MICU3: variants seen among roughly 807,000 people sequenced by gnomAD.
The protein encoded by MICU3 is calcium uptake protein 3, mitochondrial.
A neutral mutation model predicts 66.5 loss-of-function variants in MICU3; 62 were observed. The ratio of observed to expected loss-of-function variants is 0.93; its 90% CI spans 0.76 to 1.15. The LOEUF is 1.15. MICU3 is among the 50% of genes most tolerant of loss of function. MICU3 has a pLI of 0.00. For missense variants in MICU3, 779 were observed against 664.4 expected (o/e 1.17, Z -1.90); for synonymous variants, 308 against 240.7 (o/e 1.28, Z -2.59).
chr8:17,034,138 G>A (rs1445186106), intron 1 of MICU3, among the ~76,000 whole-genome samples: 1 of 152,142 alleles, frequency 6.6e-6, no homozygotes, highest in Non-Finnish European at 1.5e-5. Context: ...AAATCCTAGG[G>A]CCCTTAAGAA....
At chr8:17,047,110 G>A (rs1048053717) in intron 1 of MICU3, among the ~76,000 whole-genome samples, 32 of 152,090 alleles carry the variant, frequency 2.1e-4, no homozygotes, top group African/African-American at 7.5e-4. Context: ...AGGATAATTT[G>A]GTTGAGTCTG....
At chr8:17,116,657 A>T (rs1481324640) in intron 13 of MICU3, 57 bp downstream of exon 13, 2 of 1,230,850 alleles carry the variant, frequency 1.6e-6, no homozygotes, top group African/African-American at 1.6e-5. Context: ...AGGGAAATCA[A>T]TCCATCTAAG....
At position 17,120,729 on chromosome 8, in the gene MICU3, G is replaced by A. The variant is rs949199876; in HGVS notation, c.*442G>A. On this transcript the variant is annotated 3_prime_UTR_variant, in exon 15 of 15. Transcript: ENST00000318063. Reference sequence around the variant, plus strand: ...TTTGGACTGTGAACTTATTTTCAGAGATGAATATTGCTTGAGATTTATAAT... The same window carrying A: ...TTTGGACTGTGAACTTATTTTCAGAAATGAATATTGCTTGAGATTTATAAT... 8.5e-5 allele frequency: 13 copies of A among 152,454 alleles called. No individual in the cohort carries two copies. The highest frequency in any genetic ancestry group is 3.1e-4 in the African/African-American group (13 of 41,518). The allele number at this position is 152,454 out of a possible 1,614,324, so 9.4% of individuals were successfully genotyped here.
intron 2 of MICU3, among the ~76,000 whole-genome samples, chr8:17,068,217 A>C (rs1357443610): frequency 6.6e-6 from 1 of 152,188 alleles, no homozygotes; most frequent in East Asian, 1.9e-4. Context: ...AGGAATTCAG[A>C]AAATCCTTTG....
At chr8:17,131,687 T>C in the MICU3 span, 1 of 152,358 alleles carries the variant, frequency 6.6e-6, no homozygotes, top group African/African-American at 2.4e-5. Context: ...ACACAGGGAA[T>C]AAGCATGCAG....
At chr8:17,100,894 C>T (rs1187260945) in intron 9 of MICU3, among the ~76,000 whole-genome samples, 4 of 151,716 alleles carry the variant, frequency 2.6e-5, no homozygotes, top group African/African-American at 7.3e-5. Flanking sequence ...ATTATAAACA[C>T]TGTTTTGAGT....
At position 17,070,420 on chromosome 8, in the gene MICU3, A is replaced by G. The variant is rs541101689; in HGVS notation, c.567+701A>G. Among the ~76,000 whole-genome samples, 5 of 152,256 alleles carry G rather than the reference A, an allele frequency of 3.3e-5. No individual in the cohort carries two copies. In the East Asian group the frequency reaches 9.6e-4, roughly 29 times the overall value. On this transcript the variant is annotated intron_variant, in intron 3 of 14. Transcript: ENST00000318063. ...TTTGTATAAAGTCCAAAACTGAGAA[A>G]GTGAAATCATATTATTTAGGATACA...
At chr8:17,106,388 C>T (rs923616656) in intron 11 of MICU3, among the ~76,000 whole-genome samples, 4 of 150,870 alleles carry the variant, frequency 2.7e-5, no homozygotes, top group Non-Finnish European at 4.4e-5. Flanking sequence ...AATTAGTTTA[C>T]GATATCTCCA....
intron 3 of MICU3, among the ~76,000 whole-genome samples, chr8:17,070,238 A>G (rs1452008919): frequency 6.6e-6 from 1 of 152,138 alleles, no homozygotes; most frequent in East Asian, 1.9e-4. Context: ...AAACTTTAAT[A>G]TATCAATACT....
At chr8:17,087,246 ATCAT>A (rs1799571115) in intron 7 of MICU3, among the ~76,000 whole-genome samples, 1 of 152,038 alleles carries the variant, frequency 6.6e-6, no homozygotes, top group Admixed American at 6.6e-5. Context: ...TGTATCCATA[ATCAT>A]TCATTAAATC....
chr8:17,065,916 A>AT (rs1047663568), intron 2 of MICU3, among the ~76,000 whole-genome samples: 4 of 152,172 alleles, frequency 2.6e-5, no homozygotes, highest in African/African-American at 9.6e-5. Flanking sequence ...TAAAAAAAAG[A>AT]TTTTAACAAG....
At chr8:17,061,053 C>A (rs1434247350) in intron 1 of MICU3, among the ~76,000 whole-genome samples, 3 of 152,116 alleles carry the variant, frequency 2.0e-5, no homozygotes, top group Non-Finnish European at 4.4e-5. Flanking sequence ...TTCTGTAGTT[C>A]TGCATGTTTT....
intron 3 of MICU3, among the ~76,000 whole-genome samples, 157 bp from the exon 4 acceptor site, chr8:17,077,626 G>A (rs1380713655): frequency 6.6e-6 from 1 of 152,138 alleles, no homozygotes; most frequent in Admixed American, 6.6e-5. Flanking sequence ...ATACTGGGTT[G>A]TGTGCTTGAA....
chr8:17,051,832 T>G (rs1343785439), intron 1 of MICU3, among the ~76,000 whole-genome samples: 1 of 151,990 alleles, frequency 6.6e-6, no homozygotes, highest in Admixed American at 6.6e-5. Flanking sequence ...CACTCTCCAG[T>G]AGCCTTGCTG....
intron 11 of MICU3, among the ~76,000 whole-genome samples, chr8:17,112,329 C>T (rs955377608): frequency 6.6e-6 from 1 of 152,126 alleles, no homozygotes; most frequent in Non-Finnish European, 1.5e-5. Context: ...TACTTCTTTT[C>T]ACCTTATTTC....
chr8:17,107,142 G>C (rs574949250), intron 11 of MICU3, among the ~76,000 whole-genome samples: 1 of 152,110 alleles, frequency 6.6e-6, no homozygotes, highest in African/African-American at 2.4e-5. Context: ...TCATGGAAAT[G>C]TATGTTAGTG....
chr8:17,067,402 A>G (rs1407865944), intron 2 of MICU3, among the ~76,000 whole-genome samples: 2 of 151,828 alleles, frequency 1.3e-5, no homozygotes, highest in Non-Finnish European at 2.9e-5. Flanking sequence ...GTATGTCATC[A>G]TCATCGTCAT....
Position 17,085,120 on chromosome 8 carries a change from G to A in MICU3, c.695-116G>A, listed in dbSNP as rs368688623. Reference sequence around the variant, plus strand: ...AGCAGAAATATATATACTTTTATACGCTTTCTACTATCTTTAACCAATACA... The same window carrying A: ...AGCAGAAATATATATACTTTTATACACTTTCTACTATCTTTAACCAATACA... On this transcript the variant is annotated intron_variant, in intron 5 of 14. Transcript: ENST00000318063. 1.5e-4 allele frequency: 84 copies of A among 562,594 alleles called. 1 individual carries two copies. Among genetic ancestry groups the A allele is most frequent in the South Asian group, 1.4e-3 (43 of 30,102 alleles). The allele number at this position is 562,594 out of a possible 1,614,324, so 34.9% of individuals were successfully genotyped here. A position where few individuals can be genotyped will look rare whatever the true frequency, so the allele number is the denominator to read the frequency against.
chr8:17,108,046 G>C (rs1001554075), intron 11 of MICU3, among the ~76,000 whole-genome samples: 2 of 152,054 alleles, frequency 1.3e-5, no homozygotes, highest in Non-Finnish European at 2.9e-5. Context: ...TTAAAAAGTA[G>C]AGCTGATAGT....
Sources: allele counts gnomAD v4.1 joint callset (sites outside exome capture counted in the v4.1 genomes callset), GRCh38; gene constraint gnomAD v4.1.1; transcripts MANE v1.5; gene names NCBI Gene and HGNC (gene_info 2026-07-23, HGNC 2026-07-21).